Variants in SNX3 observed in about 807,000 individuals in gnomAD.
SNX3 encodes the protein sorting nexin 3, also known as sorting nexin-3.
Under a neutral mutation model 17.7 loss-of-function variants are expected in SNX3, and 5 were observed. The observed-to-expected ratio is 0.28, with a 90% CI of 0.15 to 0.59. The LOEUF (loss-of-function observed/expected upper bound fraction) is 0.59, where lower values mean the gene tolerates loss of function less well. SNX3 is among the 20% of genes least tolerant of loss of function. SNX3 has a pLI of 0.88. For synonymous variants in SNX3, 91 were observed against 76.5 expected (o/e 1.19, Z -0.99); for missense variants, 132 against 206.8 (o/e 0.64, Z 2.22).
chr6:108,214,117 C>T (rs76665462), intron 3 of SNX3, among the ~76,000 whole-genome samples: 9,514 of 152,200 alleles, frequency 0.063, 389 homozygotes, highest in Middle Eastern at 0.14. Flanking sequence ...CATGCTAATA[C>T]CTCCATCTGC....
intron 1 of SNX3, among the ~76,000 whole-genome samples, chr6:108,244,938 C>A (rs920367220): frequency 6.6e-6 from 1 of 151,806 alleles, no homozygotes; most frequent in East Asian, 1.9e-4. Flanking sequence ...CTGTGCCCGG[C>A]CAAGAAAATA....
At chr6:108,254,322 G>A (rs892865014) in intron 1 of SNX3, among the ~76,000 whole-genome samples, 4 of 151,946 alleles carry the variant, frequency 2.6e-5, no homozygotes, top group Non-Finnish European at 5.9e-5. Context: ...AAATTAGCCA[G>A]GCATAGTGGC....
Position 108,236,414 on chromosome 6 carries a change from C to T in SNX3, c.163-13369G>A, listed in dbSNP as rs1470439033. Among the ~76,000 whole-genome samples the T allele has an allele frequency of 6.4e-5, 9 of 140,554 alleles. No homozygotes were observed. In the South Asian group the frequency reaches 6.6e-4, roughly 10 times the overall value. The allele number at this position is 140,554 out of a possible 152,430, so 92.2% of individuals were successfully genotyped here. A position where few individuals can be genotyped will look rare whatever the true frequency, so the allele number is the denominator to read the frequency against. On this transcript the variant is annotated intron_variant, in intron 1 of 3. Transcript: ENST00000230085. ...TTTTTTTTTTTTTGAGACGGAGTCT[C>T]GCTCTGTCGCCCAGGCTGGAGTGCA...
At chr6:108,260,182 T>C (rs1470723826) in intron 1 of SNX3, among the ~76,000 whole-genome samples, 3 of 152,212 alleles carry the variant, frequency 2.0e-5, no homozygotes, top group Admixed American at 1.3e-4. Flanking sequence ...TGGCCCAAAA[T>C]GCTGAAGTCA....
chr6:108,240,687 G>A (rs1009446566), intron 1 of SNX3, among the ~76,000 whole-genome samples: 3 of 152,126 alleles, frequency 2.0e-5, no homozygotes, highest in Non-Finnish European at 4.4e-5. Flanking sequence ...GACTATTGTT[G>A]AAACCAACAG....
intron 1 of SNX3, among the ~76,000 whole-genome samples, chr6:108,226,333 C>CA (rs1270899898): frequency 2.6e-5 from 4 of 152,102 alleles, no homozygotes; most frequent in Admixed American, 2.6e-4. Context: ...ATTGGACTCC[C>CA]AAAGTGCTGG....
At chr6:108,230,832 G>A (rs1384216835) in intron 1 of SNX3, among the ~76,000 whole-genome samples, 1 of 152,144 alleles carries the variant, frequency 6.6e-6, no homozygotes, top group African/African-American at 2.4e-5. Flanking sequence ...TCTCAAAAAA[G>A]TTAAGTTGGT....
chr6:108,233,621 C>T (rs1368827868), intron 1 of SNX3, among the ~76,000 whole-genome samples: 3 of 152,196 alleles, frequency 2.0e-5, no homozygotes, highest in South Asian at 2.1e-4. Context: ...TGGTGGCACA[C>T]GCCTGTAATC....
chr6:108,226,829 G>A lies in SNX3; in HGVS notation c.163-3784C>T, dbSNP rs147987966. Among the ~76,000 whole-genome samples, 3 of 152,268 alleles carry A rather than the reference G, an allele frequency of 2.0e-5. No individual in the cohort carries two copies. In the East Asian group the frequency reaches 5.8e-4, roughly 29 times the overall value. ...TTACAGCTCAGAATTTTCAACAGAT[G>A]CTATTGGGCATAACAGTGTATAGGT... On this transcript the variant is annotated intron_variant, in intron 1 of 3. Coordinates refer to ENST00000230085, the MANE Select transcript of SNX3 (RefSeq NM_003795.6).
chr6:108,212,050 T>C lies in SNX3; in HGVS notation c.*99A>G. 3.1e-6 allele frequency: 2 copies of C among 643,400 alleles called. No homozygotes were observed. The highest frequency in any genetic ancestry group is 5.5e-6 in the Non-Finnish European group (2 of 365,364). 39.9% of individuals were successfully genotyped at this position (643,400 alleles called of 1,614,324 possible). ...TATGAGTGTTAGTATACTGAAGGCA[T>C]GTTATACCAGTTTCTGTGCAGCATG... On this transcript the variant is annotated 3_prime_UTR_variant, in exon 4 of 4. Transcript: ENST00000230085.
intron 1 of SNX3, among the ~76,000 whole-genome samples, chr6:108,245,823 C>A (rs1230497082): frequency 6.6e-6 from 1 of 152,028 alleles, no homozygotes; most frequent in East Asian, 1.9e-4. Flanking sequence ...AATTTAAGTT[C>A]CTTGTAGATT....
intron 1 of SNX3, among the ~76,000 whole-genome samples, chr6:108,235,216 C>T (rs1172531858): frequency 6.6e-6 from 1 of 152,170 alleles, no homozygotes; most frequent in East Asian, 1.9e-4. Flanking sequence ...TTCTCTCTTG[C>T]GATCCTGTCA....
intron 2 of SNX3, among the ~76,000 whole-genome samples, chr6:108,218,842 T>C (rs1341945118): frequency 2.0e-5 from 3 of 152,178 alleles, no homozygotes; most frequent in Admixed American, 6.6e-5. Context: ...GTGGTTGCCA[T>C]AGGCTGAGTG....
chr6:108,233,911 A>G (rs745677544), intron 1 of SNX3, among the ~76,000 whole-genome samples: 4 of 152,202 alleles, frequency 2.6e-5, no homozygotes, highest in African/African-American at 4.8e-5. Context: ...TAAAGTCATT[A>G]TAAGTAAAAC....
At chr6:108,252,717 G>C (rs991133594) in intron 1 of SNX3, among the ~76,000 whole-genome samples, 1 of 151,510 alleles carries the variant, frequency 6.6e-6, no homozygotes, top group Non-Finnish European at 1.5e-5. Context: ...GCCACCCACC[G>C]CAACCTCTGC....
intron 1 of SNX3, among the ~76,000 whole-genome samples, chr6:108,254,145 C>T (rs1315638865): frequency 2.7e-5 from 4 of 149,158 alleles, no homozygotes; most frequent in East Asian, 3.9e-4. Context: ...AAAAAAAAAC[C>T]GCCACTGCCC....
At chr6:108,222,496 A>G (rs1022009264) in intron 2 of SNX3, among the ~76,000 whole-genome samples, 2 of 152,228 alleles carry the variant, frequency 1.3e-5, no homozygotes, top group Non-Finnish European at 2.9e-5. Context: ...ATATCAGCAC[A>G]TATCACACAG....
rs554429322 is a variant in SNX3, at chr6:108,221,532, C to CTTTTTTTT, written c.258+1410_258+1417dup. Reference sequence around the variant, plus strand: ...GTATTACAAGGAATACAGTATTACACTTTTTTTTTTTTTTTTTTTTTTTTT... The same window carrying CTTTTTTTT: ...GTATTACAAGGAATACAGTATTACACTTTTTTTTTTTTTTTTTTTTTTTTTTTTTTTTT... On this transcript the variant is annotated intron_variant, in intron 2 of 3. Coordinates refer to ENST00000230085, the MANE Select transcript of SNX3 (RefSeq NM_003795.6). Among the ~76,000 whole-genome samples, 69 of 57,780 alleles carry CTTTTTTTT rather than the reference C, an allele frequency of 1.2e-3. 19 individuals carry two copies. The highest frequency in any genetic ancestry group is 1.9e-3 in the South Asian group (2 of 1,038). 37.9% of individuals were successfully genotyped at this position (57,780 alleles called of 152,430 possible). A position where few individuals can be genotyped will look rare whatever the true frequency, so the allele number is the denominator to read the frequency against.
At chr6:108,212,388 G>T (rs929599022) in intron 3 of SNX3, 134 bp from the exon 4 acceptor site, 9 of 591,842 alleles carry the variant, frequency 1.5e-5, no homozygotes, top group Non-Finnish European at 2.3e-5. Context: ...TGCACAGGCT[G>T]GAGTGCAGTG....
Sources: gnomAD v4.1 joint callset for allele counts (sites outside exome capture counted in the v4.1 genomes callset) on GRCh38, gnomAD v4.1.1 for gene constraint, MANE v1.5 for transcripts, NCBI Gene and HGNC (gene_info 2026-07-23, HGNC 2026-07-21) for gene names.